The following PPFIBP1 variants were observed in gnomAD, a reference collection of about 807,000 sequenced individuals.
PPFIBP1 encodes the protein liprin-beta-1.
A neutral mutation model predicts 137.8 loss-of-function variants in PPFIBP1; 112 were observed. That is an observed-to-expected ratio of 0.81 (90% CI 0.70 to 0.95). The LOEUF (loss-of-function observed/expected upper bound fraction) is 0.95. Among genes scored for constraint, PPFIBP1 ranks in the 40% least tolerant of loss-of-function variants. The pLI is 0.00. For missense variants in PPFIBP1, 1,083 were observed against 1,196.6 expected, an observed-to-expected ratio of 0.91 and a Z score of 1.40; for synonymous variants, 378 against 417.3, an observed-to-expected ratio of 0.91 and a Z score of 1.15.
At chr12:27,624,746 C>T (rs1006126785) in intron 2 of PPFIBP1, among the ~76,000 whole-genome samples, 1 of 152,026 alleles carries the variant, frequency 6.6e-6, no homozygotes, top group Non-Finnish European at 1.5e-5. Context: ...TCCTGAATAG[C>T]GTGTGCATGT....
At chr12:27,606,584 G>A (rs923440932) in intron 2 of PPFIBP1, among the ~76,000 whole-genome samples, 4 of 152,172 alleles carry the variant, frequency 2.6e-5, no homozygotes, top group Non-Finnish European at 4.4e-5. Flanking sequence ...ATAGGCCAAA[G>A]GATATCTTCG....
intron 2 of PPFIBP1, among the ~76,000 whole-genome samples, chr12:27,596,978 C>T (rs1215550540): frequency 6.6e-6 from 1 of 152,178 alleles, no homozygotes; most frequent in African/African-American, 2.4e-5. Flanking sequence ...CACCCACCTC[C>T]TCCCTGGAAG....
chr12:27,617,596 T>C (rs11049069), intron 2 of PPFIBP1, among the ~76,000 whole-genome samples: 43,748 of 152,170 alleles, frequency 0.29, 6,595 homozygotes, highest in South Asian at 0.42. Context: ...TATTTGCCTA[T>C]AACCTTCACA....
intron 2 of PPFIBP1, among the ~76,000 whole-genome samples, chr12:27,580,668 T>G (rs1182805065): frequency 6.6e-6 from 1 of 152,202 alleles, no homozygotes; most frequent in Non-Finnish European, 1.5e-5. Context: ...TTAAGTGTAG[T>G]GAATACTAAC....
intron 4 of PPFIBP1, chr12:27,636,730 A>G (rs1233065462): frequency 1.4e-5 from 2 of 142,444 alleles, no homozygotes; most frequent in Non-Finnish European, 3.1e-5. Context: ...GTGGCATCAC[A>G]TCTTACTCAG....
At chr12:27,669,511 G>A (rs544981855) in intron 13 of PPFIBP1, among the ~76,000 whole-genome samples, 4 of 152,262 alleles carry the variant, frequency 2.6e-5, no homozygotes, top group East Asian at 3.9e-4. Flanking sequence ...GGAGTTCAGC[G>A]ACATTTTTAA....
chr12:27,650,203 C>T, intron 7 of PPFIBP1, 62 bp downstream of exon 7: 1 of 1,423,732 alleles, frequency 7.0e-7, no homozygotes, highest in Non-Finnish European at 9.5e-7. Flanking sequence ...TTGTCTCTGA[C>T]ACACATACAT....
At position 27,594,121 on chromosome 12, in the gene PPFIBP1, G is replaced by A. The variant is rs981488131; in HGVS notation, c.-36+15882G>A. The A allele has an allele frequency of 2.0e-4, 157 of 766,638 alleles. 1 individual carries two copies. The highest frequency in any genetic ancestry group is 2.8e-4 in the Middle Eastern group (1 of 3,514). The allele number at this position is 766,638 out of a possible 1,614,324, so 47.5% of individuals were successfully genotyped here. On this transcript the variant is annotated intron_variant, in intron 2 of 29. Transcript: ENST00000228425. The stretch of plus-strand genomic sequence containing the variant: ...GAAAAAAGAAAAAGTAGGTGGGACC[G>A]GGGAGAAGAGAATCATGGTACTTAA...
rs766112761 is a variant in PPFIBP1, at chr12:27,688,342, A to C, written c.2415A>C (p.Arg805=). ...AAGTTCAGAAGTGGACTAACCATCGAGTGATGGAGTGGCTGCGCTCCGTGG... is the reference window on the plus strand; with the variant it reads ...AAGTTCAGAAGTGGACTAACCATCGCGTGATGGAGTGGCTGCGCTCCGTGG... The part of the protein sequence containing the change: ...PSEVQKWTNH[R]VMEWLRSVDL... Residue 805 remains arginine, a synonymous_variant, in exon 26 of 30, where the codon CGA becomes CGC. Coordinates refer to ENST00000228425, the MANE Select transcript of PPFIBP1 (RefSeq NM_003622.4). 9.3e-6 allele frequency: 15 copies of C among 1,614,050 alleles called. No individual in the cohort carries two copies. The South Asian group carries it at 1.6e-4, about 18-fold the overall frequency.
At chr12:27,584,054 C>G (rs534669957) in intron 2 of PPFIBP1, 1 of 152,294 alleles carries the variant, frequency 6.6e-6, no homozygotes, top group East Asian at 1.9e-4. Flanking sequence ...GAGGGTCCTG[C>G]GAGCCTTTGA....
Position 27,688,441 on chromosome 12 carries a change from T to A in PPFIBP1, c.2496+18T>A. ...GGCTCATGGTAAAGCTCTGATTTAA[T>A]TTAAAATTGACTTACTTTGCTTCCT... is the stretch of plus-strand genomic sequence containing the variant. On this transcript the variant is annotated intron_variant, in intron 26 of 29. Transcript: ENST00000228425. The A allele has an allele frequency of 6.2e-7, 1 of 1,610,338 alleles. No homozygotes were observed. The highest frequency in any genetic ancestry group is 8.5e-7 in the Non-Finnish European group (1 of 1,178,928).
In PPFIBP1 at chr12:27,650,109, T is replaced by C. The variant is rs377169543; in HGVS notation, c.571T>C (p.Leu191=). 97 of 1,608,650 alleles carry C rather than the reference T, an allele frequency of 6.0e-5. No individual in the cohort carries two copies. Among genetic ancestry groups the C allele is most frequent in the South Asian group, 8.8e-5 (8 of 90,924 alleles). Residue 191 remains leucine (L), a synonymous_variant, in exon 7 of 30, where the codon TTG becomes CTG. Transcript: ENST00000228425. ...LKLTAVEKDR[L]DYEDKFRDTE... ...ACTGACAGCTGTAGAGAAGGACAGATTGGATTATGAAGATAAGTTCAGAGA... is the reference window on the plus strand; with the variant it reads ...ACTGACAGCTGTAGAGAAGGACAGACTGGATTATGAAGATAAGTTCAGAGA...
At position 27,593,875 on chromosome 12, in the gene PPFIBP1, A is replaced by T. The variant is rs1417511403; in HGVS notation, c.-36+15636A>T. On this transcript the variant is annotated intron_variant, in intron 2 of 29. Transcript: ENST00000228425. ...CAGTCCCCCATGCCCCTTGGATGGG[A>T]GGGAGAAAGTGGATGGAAGGACCCT... The T allele has an allele frequency of 4.8e-6, 7 of 1,457,064 alleles. No homozygotes were observed. In the Admixed American group the frequency reaches 1.3e-4, roughly 26 times the overall value. 90.3% of individuals were successfully genotyped at this position (1,457,064 alleles called of 1,614,324 possible).
intron 2 of PPFIBP1, among the ~76,000 whole-genome samples, chr12:27,620,360 C>T (rs536774892): frequency 1.3e-5 from 2 of 152,300 alleles, no homozygotes; most frequent in African/African-American, 2.4e-5. Context: ...GGCTCACCAG[C>T]TTCCGGCCCA....
chr12:27,622,745 T>G (rs1231514512), intron 2 of PPFIBP1, among the ~76,000 whole-genome samples: 2 of 152,218 alleles, frequency 1.3e-5, no homozygotes, highest in Non-Finnish European at 2.9e-5. Flanking sequence ...TAGGAGGCCC[T>G]CAATCAATAT....
chr12:27,627,478 T>C (rs565485004), intron 2 of PPFIBP1, among the ~76,000 whole-genome samples: 1 of 152,352 alleles, frequency 6.6e-6, no homozygotes, highest in South Asian at 2.1e-4. Context: ...GAATTGTATC[T>C]ATCTTGGGTA....
intron 2 of PPFIBP1, among the ~76,000 whole-genome samples, chr12:27,581,926 T>C (rs1282270863): frequency 6.6e-6 from 1 of 152,012 alleles, no homozygotes; most frequent in Non-Finnish European, 1.5e-5. Context: ...GATAGAGATT[T>C]AGTTGGGCTT....
intron 2 of PPFIBP1, among the ~76,000 whole-genome samples, chr12:27,595,560 A>G (rs1205192440): frequency 1.3e-5 from 2 of 152,108 alleles, no homozygotes; most frequent in Non-Finnish European, 2.9e-5. Flanking sequence ...CTTCCAAAAT[A>G]TTCTGTGCCC....
At chr12:27,543,506 T>C (rs1264700749) in intron 1 of PPFIBP1, among the ~76,000 whole-genome samples, 2 of 152,220 alleles carry the variant, frequency 1.3e-5, no homozygotes, top group Non-Finnish European at 2.9e-5. Context: ...CGTTGCCCTA[T>C]GGTTTTTTCA....
Sources: allele counts gnomAD v4.1 joint callset (sites outside exome capture counted in the v4.1 genomes callset), GRCh38; gene constraint gnomAD v4.1.1; transcripts MANE v1.5; gene names NCBI Gene and HGNC (gene_info 2026-07-23, HGNC 2026-07-21).